ZFP1: variants seen among roughly 807,000 people sequenced by gnomAD.
The protein encoded by ZFP1 is ZFP1 zinc finger protein.
A neutral mutation model predicts 38.5 loss-of-function variants in ZFP1; 32 were observed. That is an observed-to-expected ratio of 0.83 (90% CI 0.63 to 1.12). The LOEUF (loss-of-function observed/expected upper bound fraction) is 1.12. Among genes scored for constraint, ZFP1 ranks in the 50% most tolerant of loss-of-function variants. The pLI is 0.00. For synonymous variants in ZFP1, 245 were observed against 168.8 expected, an observed-to-expected ratio of 1.45 and a Z score of -3.50; for missense variants, 616 against 480.8, an observed-to-expected ratio of 1.28 and a Z score of -2.63.
upstream of ZFP1, among the ~76,000 whole-genome samples, chr16:75,146,476 C>T (rs960863744): frequency 1.3e-5 from 2 of 152,060 alleles, no homozygotes; most frequent in Non-Finnish European, 2.9e-5. Flanking sequence ...CGCAACCATA[C>T]GATTTACCCA....
chr16:75,139,249 G>A, the ZFP1 span, among the ~76,000 whole-genome samples: 7 of 151,276 alleles, frequency 4.6e-5, no homozygotes, highest in African/African-American at 1.5e-4. Flanking sequence ...GGTGCCTGTA[G>A]TCCCAGCTAC....
rs1054313411 is a variant in ZFP1 at position 75,150,280 on chromosome 16, C to G, written c.-44+1637C>G. On this transcript the variant is annotated intron_variant, in intron 1 of 3. Coordinates refer to ENST00000570010, the MANE Select transcript of ZFP1 (RefSeq NM_153688.4). ...CTGGAGTGCAGTAGCGAGATCTCGG[C>G]TCACTGCAAGCTCCGCCTACCAGGT... Among the ~76,000 whole-genome samples, 89 of 148,628 alleles carry G rather than the reference C, an allele frequency of 6.0e-4. 1 individual carries two copies. Among genetic ancestry groups the G allele is most frequent in the African/African-American group, 2.1e-3 (85 of 40,276 alleles).
the ZFP1 span, among the ~76,000 whole-genome samples, chr16:75,120,210 T>A: frequency 6.6e-6 from 1 of 152,228 alleles, no homozygotes; most frequent in Non-Finnish European, 1.5e-5. Context: ...GTTTTTGTTT[T>A]TGTTTTTCTC....
chr16:75,124,195 C>T, the ZFP1 span, among the ~76,000 whole-genome samples: 2 of 150,514 alleles, frequency 1.3e-5, no homozygotes, highest in Non-Finnish European at 3.0e-5. Flanking sequence ...AAGAGTCTTG[C>T]TCTGTTGCCC....
chr16:75,151,634 T>C (rs1284852832), intron 1 of ZFP1, among the ~76,000 whole-genome samples: 1 of 152,208 alleles, frequency 6.6e-6, no homozygotes, highest in African/African-American at 2.4e-5. Flanking sequence ...TTTGCATTAT[T>C]GTTGTCATAC....
chr16:75,123,111 G>T, the ZFP1 span, among the ~76,000 whole-genome samples: 1 of 151,568 alleles, frequency 6.6e-6, no homozygotes, highest in Non-Finnish European at 1.5e-5. Flanking sequence ...CCCAGCACTT[G>T]GGGAGGACAA....
intron 3 of ZFP1, among the ~76,000 whole-genome samples, chr16:75,167,392 TTACC>T (rs569578055): frequency 2.8e-4 from 34 of 120,400 alleles, no homozygotes; most frequent in African/African-American, 1.4e-3. Context: ...CTCTCCCTGC[TTACC>T]TTTTTTTTTT....
chr16:75,150,795 A>C (rs2037159574), intron 1 of ZFP1, among the ~76,000 whole-genome samples: 1 of 152,034 alleles, frequency 6.6e-6, no homozygotes, highest in Admixed American at 6.6e-5. Flanking sequence ...TATTTGAATA[A>C]ATATTGTGCT....
At chr16:75,135,739 G>A in the ZFP1 span, among the ~76,000 whole-genome samples, 2 of 140,544 alleles carry the variant, frequency 1.4e-5, no homozygotes, top group Non-Finnish European at 3.2e-5. Flanking sequence ...TTGTGCATTT[G>A]TCAAAACCTA....
At position 75,170,031 on chromosome 16, in the gene ZFP1, G is replaced by A; in HGVS notation, c.921G>A (p.Lys307=). The A allele has an allele frequency of 6.2e-7, 1 of 1,614,128 alleles. No homozygotes were observed. The change falls in exon 4 of 4, where the codon AAG becomes AAA. Residue 307 remains lysine (K), a synonymous_variant. Coordinates refer to ENST00000570010, the MANE Select transcript of ZFP1 (RefSeq NM_153688.4). The part of the protein sequence containing the change: ...ECNECAKTFF[K]KSNLIIHQKI... ...ACGAATGTGCAAAAACCTTCTTTAAGAAGTCAAACCTTATCATACATCAGA... is the reference window on the plus strand; with the variant it reads ...ACGAATGTGCAAAAACCTTCTTTAAAAAGTCAAACCTTATCATACATCAGA...
chr16:75,170,175 T>A lies in ZFP1; in HGVS notation c.1065T>A (p.Thr355=), dbSNP rs144175465. The A allele has an allele frequency of 1.9e-6, 3 of 1,614,084 alleles. No individual in the cohort carries two copies. The highest frequency in any genetic ancestry group is 2.7e-5 in the African/African-American group (2 of 74,940). The stretch of plus-strand genomic sequence containing the variant: ...CAGGAGAGAAACCCTATGAATGTAC[T>A]GAGTGCGGCAAAACTTTCAGCCAGA... The part of the protein sequence containing the change: ...THTGEKPYEC[T]ECGKTFSQRS... The change falls in exon 4 of 4, where the codon ACT becomes ACA. Residue 355 remains threonine, a synonymous_variant. Transcript: ENST00000570010.
At chr16:75,137,714 C>T in the ZFP1 span, among the ~76,000 whole-genome samples, 127,543 of 151,002 alleles carry the variant, frequency 0.84, 54,744 homozygotes, top group Non-Finnish European at 0.92. Flanking sequence ...GATCCGCCCG[C>T]CTTGGCTTCC....
At chr16:75,150,667 G>A (rs1363890481) in intron 1 of ZFP1, among the ~76,000 whole-genome samples, 2 of 152,122 alleles carry the variant, frequency 1.3e-5, no homozygotes, top group East Asian at 3.8e-4. Flanking sequence ...GGTCTCAAGT[G>A]ATCCGCTGAC....
chr16:75,135,781 A>G, the ZFP1 span, among the ~76,000 whole-genome samples: 1 of 152,204 alleles, frequency 6.6e-6, no homozygotes, highest in Non-Finnish European at 1.5e-5. Context: ...GAAACAATAC[A>G]GACAAGTTTT....
At chr16:75,149,717 T>C (rs4888353) in intron 1 of ZFP1, among the ~76,000 whole-genome samples, 141,850 of 152,062 alleles carry the variant, frequency 0.93, 66,230 homozygotes, top group African/African-American at 0.95. Context: ...AGCCACCGCG[T>C]CCGGCCAGAC....
the ZFP1 span, among the ~76,000 whole-genome samples, chr16:75,120,316 G>A: frequency 6.6e-6 from 1 of 151,870 alleles, no homozygotes; most frequent in Non-Finnish European, 1.5e-5. Flanking sequence ...CCTTTCTCTT[G>A]CACCCTCTGC....
chr16:75,144,458 A>G (rs1567516577), upstream of ZFP1, among the ~76,000 whole-genome samples: 1 of 152,172 alleles, frequency 6.6e-6, no homozygotes, highest in African/African-American at 2.4e-5. Context: ...AGATTTTTAG[A>G]TCCTTCCCAA....
In ZFP1 at chr16:75,148,640, C is replaced by G. The variant is rs1054622991; in HGVS notation, c.-47C>G. 1 of 152,292 alleles carries G rather than the reference C, an allele frequency of 6.6e-6. No individual in the cohort carries two copies. Among genetic ancestry groups the G allele is most frequent in the African/African-American group, 2.4e-5 (1 of 41,474 alleles). The allele number at this position is 152,292 out of a possible 1,614,324, so 9.4% of individuals were successfully genotyped here. A position where few individuals can be genotyped will look rare whatever the true frequency, so the allele number is the denominator to read the frequency against. ...GGCCACGAGTGGAGGCTGCGCCCCT[C>G]CAGGTACGAGAGGGGCTTCCAGGTA... On this transcript the variant is annotated 5_prime_UTR_variant, in exon 1 of 4. Coordinates refer to ENST00000570010, the MANE Select transcript of ZFP1 (RefSeq NM_153688.4).
At chr16:75,152,190 A>G (rs971048670) in intron 1 of ZFP1, among the ~76,000 whole-genome samples, 2 of 151,626 alleles carry the variant, frequency 1.3e-5, no homozygotes, top group African/African-American at 4.9e-5. Context: ...TTTTTGTTTG[A>G]GTTTAGTTTT....
Sources: allele counts gnomAD v4.1 joint callset (sites outside exome capture counted in the v4.1 genomes callset), GRCh38; gene constraint gnomAD v4.1.1; transcripts MANE v1.5; gene names NCBI Gene and HGNC (gene_info 2026-07-23, HGNC 2026-07-21).